Variants in PSPH observed in about 807,000 individuals in gnomAD.
PSPH encodes L-3-phosphoserine phosphatase.
In PSPH, 16 loss-of-function variants were observed where a neutral mutation model predicts 23.4. That is an observed-to-expected ratio of 0.68 (90% CI 0.46 to 1.04). The LOEUF (loss-of-function observed/expected upper bound fraction) is 1.04. Among genes scored for constraint, PSPH ranks in the 50% least tolerant of loss-of-function variants. PSPH has a pLI of 0.00. For synonymous variants in PSPH, 68 were observed against 99.7 expected, an observed-to-expected ratio of 0.68 and a Z score of 1.89; for missense variants, 223 against 273.7, an observed-to-expected ratio of 0.81 and a Z score of 1.31.
chr7:56,027,780 G>A (rs1338986186), intron 3 of PSPH, among the ~76,000 whole-genome samples: 1 of 150,848 alleles, frequency 6.6e-6, no homozygotes, highest in African/African-American at 2.4e-5. Context: ...CGAGTGCAGT[G>A]GCTCACACTT....
chr7:56,038,166 C>T (rs373901067), intron 1 of PSPH, among the ~76,000 whole-genome samples: 4 of 150,950 alleles, frequency 2.6e-5, no homozygotes, highest in African/African-American at 7.3e-5. Context: ...CGGCCAGGTG[C>T]GGTGGCTCAC....
chr7:56,039,563 G>A (rs771377821), intron 1 of PSPH, among the ~76,000 whole-genome samples: 7 of 151,876 alleles, frequency 4.6e-5, no homozygotes, highest in Non-Finnish European at 1.0e-4. Flanking sequence ...AGATCACGAT[G>A]TCAGGAGATC....
chr7:56,028,486 C>A (rs1444958027), intron 3 of PSPH, among the ~76,000 whole-genome samples: 1 of 152,124 alleles, frequency 6.6e-6, no homozygotes, highest in East Asian at 1.9e-4. Flanking sequence ...CCCATCTCAG[C>A]CTCCCAAAGT....
At chr7:56,039,057 C>T (rs1235481096) in intron 1 of PSPH, among the ~76,000 whole-genome samples, 1 of 151,276 alleles carries the variant, frequency 6.6e-6, no homozygotes, top group Non-Finnish European at 1.5e-5. Flanking sequence ...GCAAGATAAT[C>T]GCTTGAACCC....
chr7:56,012,728 A>G (rs534302265), intron 7 of PSPH, among the ~76,000 whole-genome samples: 41 of 149,240 alleles, frequency 2.7e-4, no homozygotes, highest in Non-Finnish European at 5.3e-4. Flanking sequence ...GTTTGACACT[A>G]GCCTCGCCAA....
Position 56,011,615 on chromosome 7 carries a change from A to T in PSPH, c.*147T>A. On this transcript the variant is annotated 3_prime_UTR_variant, in exon 8 of 8. Coordinates refer to ENST00000275605, the MANE Select transcript of PSPH (RefSeq NM_004577.4). ...AAAAAAAAAAAAAAAGCAATCTTCT[A>T]GGATTCCTAACTGTAGTTTAAAGTA... 1.7e-6 allele frequency: 1 copy of T among 575,542 alleles called. No homozygotes were observed. Among genetic ancestry groups the T allele is most frequent in the East Asian group, 3.2e-5 (1 of 31,680 alleles). The allele number at this position is 575,542 out of a possible 1,614,324, so 35.7% of individuals were successfully genotyped here.
intron 1 of PSPH, 29 bp downstream of exon 1, chr7:56,051,102 TACTGGAA>T (rs1472678189): frequency 6.6e-6 from 1 of 152,198 alleles, no homozygotes; most frequent in Non-Finnish European, 1.5e-5. Context: ...GGACACTGGA[TACTGGAA>T]ACAATTGTGG....
At chr7:56,019,030 C>T (rs1788963848) in intron 5 of PSPH, among the ~76,000 whole-genome samples, 2 of 150,798 alleles carry the variant, frequency 1.3e-5, no homozygotes, top group Non-Finnish European at 3.0e-5. Flanking sequence ...GTAGTCCCCA[C>T]TATTAAGGAG....
chr7:56,024,618 C>T (rs1223882984), intron 3 of PSPH, among the ~76,000 whole-genome samples: 1 of 151,372 alleles, frequency 6.6e-6, no homozygotes, highest in African/African-American at 2.4e-5. Context: ...TGTAGTGGCA[C>T]ACACCTATAG....
At chr7:56,048,720 C>T (rs780902611) in intron 1 of PSPH, among the ~76,000 whole-genome samples, 8 of 151,564 alleles carry the variant, frequency 5.3e-5, no homozygotes, top group African/African-American at 1.5e-4. Flanking sequence ...CTGCAACCTC[C>T]GCCTCCTGGG....
At chr7:56,029,831 C>T (rs1419846538) in intron 3 of PSPH, among the ~76,000 whole-genome samples, 1 of 151,782 alleles carries the variant, frequency 6.6e-6, no homozygotes, top group African/African-American at 2.4e-5. Context: ...TTGTTCAGGT[C>T]CCCGGGCATT....
chr7:56,013,059 A>G (rs993664758), intron 7 of PSPH, among the ~76,000 whole-genome samples: 3 of 90,508 alleles, frequency 3.3e-5, no homozygotes, highest in African/African-American at 7.5e-5. Context: ...ACATATATGT[A>G]TATGTGTATG....
chr7:56,045,615 G>A (rs374645854), intron 1 of PSPH, among the ~76,000 whole-genome samples: 15 of 152,020 alleles, frequency 9.9e-5, no homozygotes, highest in East Asian at 3.9e-4. Context: ...GGCCAGGCGC[G>A]GTGGCTCCAG....
At chr7:56,023,063 A>C (rs1789686866) in intron 3 of PSPH, among the ~76,000 whole-genome samples, 1 of 152,070 alleles carries the variant, frequency 6.6e-6, no homozygotes, top group South Asian at 2.1e-4. Flanking sequence ...CTGTCTGAAG[A>C]AAAGAAAAAA....
In PSPH at chr7:56,011,122, G is replaced by A. The variant is rs904240991; in HGVS notation, c.*640C>T. 1 of 151,222 alleles carries A rather than the reference G, an allele frequency of 6.6e-6. No homozygotes were observed. The highest frequency in any genetic ancestry group is 1.5e-5 in the Non-Finnish European group (1 of 68,034). The allele number at this position is 151,222 out of a possible 1,614,324, so 9.4% of individuals were successfully genotyped here. ...CAAAGAGAAACCAATATTCACTGAA[G>A]GCTGCCGAATCCGTATTTCTAAGAG... On this transcript the variant is annotated 3_prime_UTR_variant, in exon 8 of 8. Transcript: ENST00000275605.
chr7:56,044,977 C>T (rs1242611373), intron 1 of PSPH, among the ~76,000 whole-genome samples: 1 of 149,920 alleles, frequency 6.7e-6, no homozygotes, highest in Admixed American at 6.8e-5. Flanking sequence ...GAGGCTGAGG[C>T]AGGACAATCG....
At chr7:56,015,433 C>A (rs1424947963) in intron 6 of PSPH, among the ~76,000 whole-genome samples, 1 of 152,046 alleles carries the variant, frequency 6.6e-6, no homozygotes, top group African/African-American at 2.4e-5. Flanking sequence ...AACTCCTAGG[C>A]TCATGTGATC....
intron 1 of PSPH, among the ~76,000 whole-genome samples, chr7:56,039,838 C>T (rs1792274484): frequency 6.6e-6 from 1 of 150,492 alleles, no homozygotes; most frequent in East Asian, 1.9e-4. Context: ...GTAGCTCACG[C>T]CTGTAATCCC....
At chr7:56,050,335 A>G (rs1338800277) in intron 1 of PSPH, among the ~76,000 whole-genome samples, 2 of 152,000 alleles carry the variant, frequency 1.3e-5, no homozygotes, top group Admixed American at 6.6e-5. Context: ...GCAAGATCAT[A>G]GCTGACTGCA....
Sources: allele counts gnomAD v4.1 joint callset (sites outside exome capture counted in the v4.1 genomes callset), GRCh38; gene constraint gnomAD v4.1.1; transcripts MANE v1.5; gene names NCBI Gene and HGNC (gene_info 2026-07-23, HGNC 2026-07-21).